Variants in ITGAV observed in about 807,000 individuals in gnomAD.
The protein encoded by ITGAV is integrin alpha-V.
A neutral mutation model predicts 143.8 loss-of-function variants in ITGAV; 76 were observed. The observed-to-expected ratio is 0.53, with a 90% CI of 0.44 to 0.64. The LOEUF (loss-of-function observed/expected upper bound fraction) is 0.64. ITGAV is among the 30% of genes least tolerant of loss of function. The probability of loss-of-function intolerance (pLI) is 0.00; values close to 1 mark genes in which losing one functional copy is unlikely to be tolerated. For synonymous variants in ITGAV, 453 were observed against 446.7 expected (o/e 1.01, Z -0.18); for missense variants, 1,193 against 1,274.7 (o/e 0.94, Z 0.98).
At chr2:186,670,312 G>GT (rs1689029857) in intron 26 of ITGAV, among the ~76,000 whole-genome samples, 1 of 151,556 alleles carries the variant, frequency 6.6e-6, no homozygotes, top group African/African-American at 2.4e-5. Context: ...TTGTTTGTTT[G>GT]TTTTTTGACA....
intron 13 of ITGAV, 137 bp downstream of exon 13, chr2:186,647,014 A>G: frequency 1.6e-6 from 1 of 623,036 alleles, no homozygotes; most frequent in Non-Finnish European, 2.6e-6. Context: ...TAAAATATTC[A>G]AGGCATCATT....
intron 15 of ITGAV, 118 bp downstream of exon 15, chr2:186,652,207 C>G: frequency 1.5e-6 from 1 of 656,132 alleles, no homozygotes. Flanking sequence ...TGTGAGTATA[C>G]TGTTTTTTCT....
At position 186,652,097 on chromosome 2, in the gene ITGAV, T is replaced by C; in HGVS notation, c.1505+8T>C. 1 of 1,500,594 alleles carries C rather than the reference T, an allele frequency of 6.7e-7. No individual in the cohort carries two copies. The highest frequency in any genetic ancestry group is 1.7e-4 in the Middle Eastern group (1 of 5,818). The allele number at this position is 1,500,594 out of a possible 1,614,324, so 93.0% of individuals were successfully genotyped here. ...AGCTCTCAAAGTTTCCTGGTAAGGG[T>C]ATTTGTTTAATAATAGTTATTATTG... On this transcript the variant is annotated splice_region_variant and intron_variant, in intron 15 of 29. Coordinates refer to ENST00000261023, the MANE Select transcript of ITGAV (RefSeq NM_002210.5).
chr2:186,670,613 A>G (rs1005583460), intron 26 of ITGAV, among the ~76,000 whole-genome samples: 2 of 152,122 alleles, frequency 1.3e-5, no homozygotes, highest in Non-Finnish European at 1.5e-5. Context: ...GTTTATGTTC[A>G]ATAGTGATCA....
At chr2:186,628,086 TAA>T (rs1456731422) in intron 4 of ITGAV, among the ~76,000 whole-genome samples, 1 of 152,156 alleles carries the variant, frequency 6.6e-6, no homozygotes, top group Non-Finnish European at 1.5e-5. Flanking sequence ...GTAATTCACC[TAA>T]CCACTCTGGG....
In ITGAV at chr2:186,665,126, G is replaced by C. The variant is rs201558849; in HGVS notation, c.2074G>C (p.Ala692Pro). 1.0e-5 allele frequency: 16 copies of C among 1,563,248 alleles called. No individual in the cohort carries two copies. The highest frequency in any genetic ancestry group is 1.4e-5 in the African/African-American group (1 of 72,292). Residue 692 changes from alanine to proline, a missense_variant and splice_region_variant, in exon 21 of 30, where the codon GCC becomes CCC. Coordinates refer to ENST00000261023, the MANE Select transcript of ITGAV (RefSeq NM_002210.5). ...TTTTTTTTTTTTTGGTCTATCAAAGGCCTTAGCAAGACTTTCCTGTGCATT... is the reference window on the plus strand; with the variant it reads ...TTTTTTTTTTTTTGGTCTATCAAAGCCCTTAGCAAGACTTTCCTGTGCATT... Reference protein sequence around the residue: ...DFIGVVRNNEALARLSCAFKT... With the variant: ...DFIGVVRNNEPLARLSCAFKT...
At chr2:186,600,610 T>C (rs1284781646) in intron 1 of ITGAV, among the ~76,000 whole-genome samples, 3 of 152,166 alleles carry the variant, frequency 2.0e-5, no homozygotes, top group Non-Finnish European at 4.4e-5. Context: ...AATAGTAATT[T>C]ATTTATTGGC....
Position 186,669,965 on chromosome 2 carries a change from C to T in ITGAV, c.2706+151C>T, listed in dbSNP as rs1689018715. 42 of 626,868 alleles carry T rather than the reference C, an allele frequency of 6.7e-5. 1 individual carries two copies. The South Asian group carries it at 7.5e-4, about 11-fold the overall frequency. The allele number at this position is 626,868 out of a possible 1,614,324, so 38.8% of individuals were successfully genotyped here. ...TGCATTCCTCTCACTTTCCTTTTTC[C>T]TAGTCAGATTAATGCCATATTTTCT... is the stretch of plus-strand genomic sequence containing the variant. On this transcript the variant is annotated intron_variant, in intron 26 of 29. Transcript: ENST00000261023.
intron 5 of ITGAV, 102 bp downstream of exon 5, chr2:186,630,960 A>T: frequency 1.7e-6 from 1 of 578,548 alleles, no homozygotes; most frequent in South Asian, 2.7e-5. Context: ...TACAGCTGTT[A>T]GCTCTTTAAT....
At chr2:186,599,851 C>T (rs1444301229) in intron 1 of ITGAV, among the ~76,000 whole-genome samples, 3 of 152,184 alleles carry the variant, frequency 2.0e-5, no homozygotes, top group Non-Finnish European at 4.4e-5. Flanking sequence ...TTCAGGCCTC[C>T]AGCGATTGCT....
chr2:186,623,349 C>T (rs978575729), intron 3 of ITGAV, among the ~76,000 whole-genome samples: 1 of 152,020 alleles, frequency 6.6e-6, no homozygotes, highest in Non-Finnish European at 1.5e-5. Context: ...GGTCAACATC[C>T]CTTTTTTTTT....
chr2:186,675,955 T>C, intron 28 of ITGAV, 28 bp downstream of exon 28: 1 of 1,191,768 alleles, frequency 8.4e-7, no homozygotes, highest in Non-Finnish European at 1.2e-6. Flanking sequence ...GCAAATAGAA[T>C]AAATTTACTC....
rs141907735 is a variant in ITGAV at position 186,590,840 on chromosome 2, C to T, written c.185+317C>T. Among the ~76,000 whole-genome samples the T allele has an allele frequency of 2.6e-3, 393 of 152,322 alleles. 7 individuals carry two copies. The highest frequency in any genetic ancestry group is 0.015 in the Admixed American group (231 of 15,302). On this transcript the variant is annotated intron_variant, in intron 1 of 29. Transcript: ENST00000261023. The stretch of plus-strand genomic sequence containing the variant: ...ACAAAGGCTGGTCTTGCCGGACTCC[C>T]CGCCTCCTGTGCCAGTGTCGAGGAT...
Position 186,602,082 on chromosome 2 carries a change from G to A in ITGAV, c.247G>A (p.Gly83Arg). The A allele has an allele frequency of 6.2e-7, 1 of 1,613,390 alleles. No homozygotes were observed. The change falls in exon 2 of 30, where the codon GGA (glycine) becomes AGA (arginine). Residue 83 changes from glycine (G) to arginine (R), a missense_variant. By Grantham distance (125) the Gly-to-Arg change is moderately radical (BLOSUM62 -2). Transcript: ENST00000261023. Reference protein sequence around the residue: ...ANTTQPGIVEGGQVLKCDWSS... With the variant: ...ANTTQPGIVERGQVLKCDWSS... ...CACCACCCAGCCTGGGATTGTGGAA[G>A]GAGGGCAGGTCCTCAAATGTGACTG... is the stretch of plus-strand genomic sequence containing the variant.
intron 1 of ITGAV, among the ~76,000 whole-genome samples, chr2:186,591,609 C>T (rs1686618270): frequency 6.6e-6 from 1 of 152,152 alleles, no homozygotes; most frequent in Non-Finnish European, 1.5e-5. Flanking sequence ...GGACCATCTT[C>T]TACTACACAC....
chr2:186,621,647 A>G (rs971019671), intron 2 of ITGAV, among the ~76,000 whole-genome samples: 3 of 152,186 alleles, frequency 2.0e-5, no homozygotes. Context: ...CTTTCATGAT[A>G]TTGACAATTT....
intron 2 of ITGAV, among the ~76,000 whole-genome samples, chr2:186,604,840 T>C (rs1295363466): frequency 6.6e-6 from 1 of 152,234 alleles, no homozygotes; most frequent in Non-Finnish European, 1.5e-5. Context: ...TCTCAGTTTA[T>C]GGCACTCCAT....
At chr2:186,645,200 TAGAG>T (rs769585262) in intron 12 of ITGAV, among the ~76,000 whole-genome samples, 4 of 152,084 alleles carry the variant, frequency 2.6e-5, no homozygotes, top group East Asian at 1.9e-4. Flanking sequence ...GAGAGGGTGA[TAGAG>T]AAAGTAGGGG....
rs574458521 is a variant in ITGAV at position 186,673,756 on chromosome 2, C to T, written c.2707-1848C>T. ...GATCTCGACTCATTGCAACCTCCACCTCCCAGGCTCAAGCAATTCTTCTGC... is the reference window on the plus strand; with the variant it reads ...GATCTCGACTCATTGCAACCTCCACTTCCCAGGCTCAAGCAATTCTTCTGC... On this transcript the variant is annotated intron_variant, in intron 26 of 29. Transcript: ENST00000261023. Among the ~76,000 whole-genome samples the T allele has an allele frequency of 2.0e-5, 3 of 152,094 alleles. No individual in the cohort carries two copies. The South Asian group carries it at 6.2e-4, about 32-fold the overall frequency.
Sources: gnomAD v4.1 joint callset for allele counts (sites outside exome capture counted in the v4.1 genomes callset) on GRCh38, gnomAD v4.1.1 for gene constraint, MANE v1.5 for transcripts, NCBI Gene and HGNC (gene_info 2026-07-23, HGNC 2026-07-21) for gene names.